Variants in WNT9B observed in about 807,000 individuals in gnomAD.
WNT9B encodes protein Wnt-9b.
A neutral mutation model predicts 30.2 loss-of-function variants in WNT9B; 12 were observed. The observed-to-expected ratio is 0.40, with a 90% CI of 0.26 to 0.64. WNT9B has a LOEUF of 0.64. WNT9B is among the 30% of genes least tolerant of loss of function. The pLI, the probability that WNT9B is intolerant of heterozygous loss-of-function variation, is 0.42. For missense variants in WNT9B, 442 were observed against 485.2 expected (o/e 0.91, Z 0.84); for synonymous variants, 218 against 216.9 (o/e 1.01, Z -0.05).
At position 46,872,527 on chromosome 17, in the gene WNT9B, C is replaced by A. The variant is rs770668925; in HGVS notation, c.88C>A (p.Arg30=). The A allele has an allele frequency of 1.2e-5, 19 of 1,542,780 alleles. No homozygotes were observed. The highest frequency in any genetic ancestry group is 1.6e-5 in the Non-Finnish European group (18 of 1,142,202). ...AAASYFGLTG[R]EVLTPFPGLG... is the part of the protein sequence containing the mutation. ...TCTCGCTCTCTCTAGCCTGACCGGG[C>A]GGGAAGTCCTGACGCCCTTCCCAGG... Residue 30 remains arginine (R), a synonymous_variant, in exon 2 of 4, where the codon CGG becomes AGG. Coordinates refer to ENST00000290015, the MANE Select transcript of WNT9B (RefSeq NM_003396.3).
In WNT9B at chr17:46,876,785, C is replaced by T; in HGVS notation, c.*67C>T. The T allele has an allele frequency of 1.4e-6, 2 of 1,472,222 alleles. No individual in the cohort carries two copies. Among genetic ancestry groups the T allele is most frequent in the Non-Finnish European group, 1.8e-6 (2 of 1,108,518 alleles). The allele number at this position is 1,472,222 out of a possible 1,614,324, so 91.2% of individuals were successfully genotyped here. On this transcript the variant is annotated 3_prime_UTR_variant, in exon 4 of 4. Transcript: ENST00000290015. ...CTGTGGCACCCTTCAAGCTGCCCAGCCGGCCCTCTGGGCAGACTGTCATCA... is the reference window on the plus strand; with the variant it reads ...CTGTGGCACCCTTCAAGCTGCCCAGTCGGCCCTCTGGGCAGACTGTCATCA...
chr17:46,866,596 A>G (rs2085142373), intron 1 of WNT9B, among the ~76,000 whole-genome samples: 1 of 152,082 alleles, frequency 6.6e-6, no homozygotes, highest in Admixed American at 6.6e-5. Context: ...GCCTGTTATC[A>G]GGAGCATCTG....
intron 1 of WNT9B, among the ~76,000 whole-genome samples, chr17:46,866,593 A>T (rs2085142180): frequency 6.6e-6 from 1 of 152,082 alleles, no homozygotes; most frequent in South Asian, 2.1e-4. Flanking sequence ...GAAGCCTGTT[A>T]TCAGGAGCAT....
intron 1 of WNT9B, among the ~76,000 whole-genome samples, chr17:46,838,322 T>TAA (rs111624803): frequency 2.9e-5 from 4 of 138,246 alleles, no homozygotes; most frequent in Admixed American, 7.3e-5. Flanking sequence ...GGGCCTGCCT[T>TAA]AAAAAAAAAA....
At chr17:46,859,654 C>T (rs989166842) in intron 1 of WNT9B, among the ~76,000 whole-genome samples, 19 of 152,158 alleles carry the variant, frequency 1.2e-4, no homozygotes, top group Admixed American at 9.2e-4. Flanking sequence ...ACTATTTTTT[C>T]GAAATTGCAT....
At chr17:46,847,108 A>T (rs531684945), upstream of WNT9B, among the ~76,000 whole-genome samples, 54 of 152,250 alleles carry the variant, frequency 3.5e-4, no homozygotes, top group Non-Finnish European at 7.5e-4. Flanking sequence ...TGCAAGGAAG[A>T]TAAAAACATT....
rs1045372412 is a variant in WNT9B, at chr17:46,878,680, C to T, written c.*1962C>T. ...GCCTCCACCCAGGCTCAGTGCTGGG[C>T]GTAAGGCAGCAGGGACCTCACTGGC... On this transcript the variant is annotated 3_prime_UTR_variant, in exon 4 of 4. Transcript: ENST00000290015. Among the ~76,000 whole-genome samples the T allele has an allele frequency of 1.3e-5, 2 of 152,102 alleles. No homozygotes were observed. The highest frequency in any genetic ancestry group is 6.5e-5 in the Admixed American group (1 of 15,278).
At chr17:46,839,068 G>A (rs1174116048) in intron 1 of WNT9B, among the ~76,000 whole-genome samples, 2 of 152,062 alleles carry the variant, frequency 1.3e-5, no homozygotes, top group Non-Finnish European at 1.5e-5. Flanking sequence ...AGTAGAGACA[G>A]ACTTTCACCA....
At chr17:46,872,807 G>C in intron 2 of WNT9B, 34 bp downstream of exon 2, 1 of 1,479,398 alleles carries the variant, frequency 6.8e-7, no homozygotes, top group South Asian at 1.2e-5. Flanking sequence ...GGGAGGGCTG[G>C]GGGAAGAAGC....
At chr17:46,874,391 G>A (rs566252886) in intron 2 of WNT9B, among the ~76,000 whole-genome samples, 10 of 152,232 alleles carry the variant, frequency 6.6e-5, no homozygotes, top group East Asian at 3.9e-4. Context: ...GTCATACACC[G>A]ACCTGGAGTC....
upstream of WNT9B, among the ~76,000 whole-genome samples, chr17:46,848,783 C>T (rs2084805375): frequency 6.6e-6 from 1 of 152,198 alleles, no homozygotes; most frequent in Admixed American, 6.5e-5. Context: ...TTCCTGCCTC[C>T]ACTACAGCTG....
chr17:46,845,326 C>T (rs760901538), intron 1 of WNT9B, among the ~76,000 whole-genome samples: 1 of 152,062 alleles, frequency 6.6e-6, no homozygotes, highest in Non-Finnish European at 1.5e-5. Flanking sequence ...CTCCTAGTCT[C>T]TAGGTCAGCT....
intron 1 of WNT9B, among the ~76,000 whole-genome samples, chr17:46,871,502 T>A (rs1016915701): frequency 3.3e-5 from 5 of 152,204 alleles, no homozygotes; most frequent in African/African-American, 1.2e-4. Context: ...TCTGCTTAGC[T>A]GGAGAGTAAA....
rs777127167 is a variant in WNT9B, at chr17:46,877,552, C to T, written c.*834C>T. On this transcript the variant is annotated 3_prime_UTR_variant, in exon 4 of 4. Coordinates refer to ENST00000290015, the MANE Select transcript of WNT9B (RefSeq NM_003396.3). ...GTTGAACAGGGAGACAACGGCCCCTCCCTGTGTTCCCTGCTGGCCAAAGGA... is the reference window on the plus strand; with the variant it reads ...GTTGAACAGGGAGACAACGGCCCCTTCCTGTGTTCCCTGCTGGCCAAAGGA... Among the ~76,000 whole-genome samples the T allele has an allele frequency of 3.9e-5, 6 of 152,138 alleles. No individual in the cohort carries two copies. Among genetic ancestry groups the T allele is most frequent in the Non-Finnish European group, 7.3e-5 (5 of 68,030 alleles).
At position 46,878,507 on chromosome 17, in the gene WNT9B, A is replaced by C. The variant is rs758051871; in HGVS notation, c.*1789A>C. Among the ~76,000 whole-genome samples, 1 of 152,192 alleles carries C rather than the reference A, an allele frequency of 6.6e-6. No homozygotes were observed. Among genetic ancestry groups the C allele is most frequent in the Non-Finnish European group, 1.5e-5 (1 of 68,030 alleles). On this transcript the variant is annotated 3_prime_UTR_variant, in exon 4 of 4. Coordinates refer to ENST00000290015, the MANE Select transcript of WNT9B (RefSeq NM_003396.3). ...GACCTGAGCCCCTCTCGTTAAAATG[A>C]CATTGCTGACCCAAGCACCTGGCCC...
chr17:46,841,066 G>C (rs2084707395), intron 1 of WNT9B, among the ~76,000 whole-genome samples: 1 of 152,186 alleles, frequency 6.6e-6, no homozygotes, highest in Non-Finnish European at 1.5e-5. Context: ...GAGGGTGGGA[G>C]AATTCAGGTT....
In WNT9B at chr17:46,876,256, T is replaced by G. The variant is rs1338447518; in HGVS notation, c.612T>G (p.Ser204Arg). 2.5e-6 allele frequency: 4 copies of G among 1,607,504 alleles called. No homozygotes were observed. Among genetic ancestry groups the G allele is most frequent in the Non-Finnish European group, 3.4e-6 (4 of 1,175,676 alleles). ...NTHVGIKAVK[S>R]GLRTTCKCHG... ...TGCCTCCCCCACAGGCTGTGAAGAG[T>G]GGCCTCAGGACCACGTGTAAGTGCC... Residue 204 changes from serine to arginine, a missense_variant, in exon 4 of 4, where the codon AGT becomes AGG. Transcript: ENST00000290015.
At position 46,880,124 on chromosome 17, in the gene WNT9B, G is replaced by T. The variant is rs76990846; in HGVS notation, c.*3406G>T. On this transcript the variant is annotated 3_prime_UTR_variant, in exon 4 of 4. Transcript: ENST00000290015. ...TCCTGCAGGCAGCTAGAGTGAGGGA[G>T]TCTAATGGACAGGATGCCCCAAGTG... Among the ~76,000 whole-genome samples, 1,009 of 152,330 alleles carry T rather than the reference G, an allele frequency of 6.6e-3. 12 individuals are homozygous for T. The highest frequency in any genetic ancestry group is 9.5e-3 in the Non-Finnish European group (644 of 68,032).
chr17:46,838,809 G>T (rs1293712224), intron 1 of WNT9B, among the ~76,000 whole-genome samples: 1 of 152,048 alleles, frequency 6.6e-6, no homozygotes, highest in Non-Finnish European at 1.5e-5. Context: ...TGGCATAGAG[G>T]CCTGTGCACA....
Sources: gnomAD v4.1 joint callset for allele counts (sites outside exome capture counted in the v4.1 genomes callset) on GRCh38, gnomAD v4.1.1 for gene constraint, MANE v1.5 for transcripts, NCBI Gene and HGNC (gene_info 2026-07-23, HGNC 2026-07-21) for gene names.